GOLGA8J: variants seen among roughly 807,000 people sequenced by gnomAD.
GOLGA8J encodes golgin A8 family member J, also known as golgin subfamily A member 8J.
A neutral mutation model predicts 67.7 loss-of-function variants in GOLGA8J; 19 were observed. The observed-to-expected ratio is 0.28, with a 90% CI of 0.20 to 0.41. GOLGA8J has a LOEUF of 0.41. Ranked by LOEUF, GOLGA8J falls within the 10% of genes least tolerant of loss-of-function variation. The probability of loss-of-function intolerance (pLI) is 1.00; values close to 1 mark genes in which losing one functional copy is unlikely to be tolerated. For missense variants in GOLGA8J, 205 were observed against 584.3 expected, an observed-to-expected ratio of 0.35 and a Z score of 6.69; for synonymous variants, 69 against 215.9, an observed-to-expected ratio of 0.32 and a Z score of 5.97.
Position 30,092,323 on chromosome 15 carries a change from G to A in GOLGA8J, c.1368+190G>A, listed in dbSNP as rs367639595. ...CTGAGGCCCCAAGGGAAGGGGTTGCGCTCCACCTCTCTGCCCCATTTCTTC... is the reference window on the plus strand; with the variant it reads ...CTGAGGCCCCAAGGGAAGGGGTTGCACTCCACCTCTCTGCCCCATTTCTTC... On this transcript the variant is annotated intron_variant, in intron 15 of 18. Coordinates refer to ENST00000567927, the MANE Select transcript of GOLGA8J (RefSeq NM_001282472.2). 1.5e-4 allele frequency among the ~76,000 whole-genome samples: 21 copies of A among 140,314 alleles called. 3 individuals carry two copies. Among genetic ancestry groups the A allele is most frequent in the South Asian group, 4.5e-4 (2 of 4,452 alleles). 92.1% of individuals were successfully genotyped at this position (140,314 alleles called of 152,430 possible). A position where few individuals can be genotyped will look rare whatever the true frequency, so the allele number is the denominator to read the frequency against.
Position 30,089,953 on chromosome 15 carries a change from G to A in GOLGA8J, c.1128G>A (p.Glu376=), listed in dbSNP as rs535372956. The change falls in exon 12 of 19, where the codon GAG becomes GAA. Residue 376 remains glutamate (E), a synonymous_variant. Transcript: ENST00000567927. Reference sequence around the variant, plus strand: ...CCAAGCCACAGAGCGTCTTCAAGGAGCCGGTGCGTTGCCCAAACTGGGGAG... The same window carrying A: ...CCAAGCCACAGAGCGTCTTCAAGGAACCGGTGCGTTGCCCAAACTGGGGAG... ...QLAKPQSVFK[E]PNNENKNALQ... is the part of the protein sequence containing the mutation. 1.8e-4 allele frequency: 279 copies of A among 1,532,636 alleles called. 42 individuals carry two copies. The South Asian group carries it at 3.0e-3, about 17-fold the overall frequency. The allele number at this position is 1,532,636 out of a possible 1,614,324, so 94.9% of individuals were successfully genotyped here.
intron 12 of GOLGA8J, 45 bp from the exon 13 acceptor site, chr15:30,090,167 T>G (rs2057383614): frequency 1.0e-6 from 1 of 968,188 alleles, no homozygotes; most frequent in African/African-American, 2.1e-5. Flanking sequence ...AGTTCTGGGG[T>G]CTCCAGCTGC....
chr15:30,084,989 A>T lies in GOLGA8J; in HGVS notation c.168+99A>T, dbSNP rs1284676070. On this transcript the variant is annotated intron_variant, in intron 2 of 18. Coordinates refer to ENST00000567927, the MANE Select transcript of GOLGA8J (RefSeq NM_001282472.2). ...GATGGACTGCTGGGTACTGGTTAAG[A>T]ATTCTGGCTTTAGCCGGGTGTGGTG... The T allele has an allele frequency of 1.1e-5, 15 of 1,373,982 alleles. 2 individuals are homozygous for T. The Admixed American group carries it at 2.3e-4, about 21-fold the overall frequency. 85.1% of individuals were successfully genotyped at this position (1,373,982 alleles called of 1,614,324 possible). A position where few individuals can be genotyped will look rare whatever the true frequency, so the allele number is the denominator to read the frequency against.
rs2057403915 is a variant in GOLGA8J at position 30,091,532 on chromosome 15, TA to T, written c.1201-2del. The T allele has an allele frequency of 6.3e-7, 1 of 1,575,936 alleles. No individual in the cohort carries two copies. Among genetic ancestry groups the T allele is most frequent in the South Asian group, 1.1e-5 (1 of 86,972 alleles). ...CCCTTCTCACTCTGTCCTGGCCCCT[TA>T]GGAGCACCTGGAAGCTGCCAGCCAG... On this transcript the variant is annotated splice_acceptor_variant, in intron 13 of 18. Transcript: ENST00000567927. LOFTEE classifies it high-confidence loss of function.
chr15:30,088,156 G>A (rs2057356694), intron 8 of GOLGA8J: 1 of 377,342 alleles, frequency 2.7e-6, no homozygotes, highest in Admixed American at 3.5e-5. Context: ...AGATGGCCGG[G>A]AGATACTTCC....
At position 30,095,021 on chromosome 15, in the gene GOLGA8J, A is replaced by T. The variant is rs1413979194; in HGVS notation, c.*1522A>T. ...TTGTACCTCTGGGTTTCTGTTCGGG[A>T]CATATTTTGTGCAATATTTATGTGA... On this transcript the variant is annotated 3_prime_UTR_variant, in exon 19 of 19. Coordinates refer to ENST00000567927, the MANE Select transcript of GOLGA8J (RefSeq NM_001282472.2). Among the ~76,000 whole-genome samples, 1 of 146,188 alleles carries T rather than the reference A, an allele frequency of 6.8e-6. No homozygotes were observed.
chr15:30,088,079 G>GTGTGTGTGTGTGTGTA (rs1431708118), intron 8 of GOLGA8J: 1 of 442,722 alleles, frequency 2.3e-6, no homozygotes, highest in African/African-American at 2.6e-5. Context: ...GTGTGTGTGT[G>GTGTGTGTGTGTGTGTA]CATACTGTGA....
chr15:30,088,488 A>G (rs921165889), intron 8 of GOLGA8J, among the ~76,000 whole-genome samples: 23 of 145,688 alleles, frequency 1.6e-4, no homozygotes. Flanking sequence ...AACAGTGGTA[A>G]TAATAACAGT....
chr15:30,092,554 G>A (rs986010336), intron 15 of GOLGA8J, 154 bp from the exon 16 acceptor site: 1 of 663,152 alleles, frequency 1.5e-6, no homozygotes, highest in African/African-American at 2.1e-5. Context: ...AGGGCCTGGG[G>A]GCGAGTCTGT....
At position 30,095,480 on chromosome 15, in the gene GOLGA8J, T is replaced by C. The variant is rs1256488007; in HGVS notation, c.*1981T>C. 1.4e-5 allele frequency among the ~76,000 whole-genome samples: 2 copies of C among 146,532 alleles called. No homozygotes were observed. Among genetic ancestry groups the C allele is most frequent in the African/African-American group, 2.6e-5 (1 of 38,678 alleles). On this transcript the variant is annotated 3_prime_UTR_variant, in exon 19 of 19. Transcript: ENST00000567927. ...AAAAATTTAGACCAAATAATGCAGC[T>C]AATTAACAGTGGTACGATTTGTAGC...
rs1443181028 is a variant in GOLGA8J, at chr15:30,096,149, T to C, written c.*2650T>C. ...AGAGTTCATCAGAAACATAGAATTT[T>C]AAACTGTGAGTTCCACTGAATACAT... is the stretch of plus-strand genomic sequence containing the variant. On this transcript the variant is annotated 3_prime_UTR_variant, in exon 19 of 19. Coordinates refer to ENST00000567927, the MANE Select transcript of GOLGA8J (RefSeq NM_001282472.2). Among the ~76,000 whole-genome samples, 1 of 145,904 alleles carries C rather than the reference T, an allele frequency of 6.9e-6. No individual in the cohort carries two copies. The highest frequency in any genetic ancestry group is 2.6e-5 in the African/African-American group (1 of 37,770).
chr15:30,094,347 T>G lies in GOLGA8J; in HGVS notation c.*848T>G, dbSNP rs1228598497. The stretch of plus-strand genomic sequence containing the variant: ...ATTTCTGAGGAATGAAAGGTTCCCA[T>G]CATTGACTGTGGATGTGGGAAACCT... On this transcript the variant is annotated 3_prime_UTR_variant, in exon 19 of 19. Transcript: ENST00000567927. 6.8e-6 allele frequency among the ~76,000 whole-genome samples: 1 copy of G among 148,102 alleles called. No homozygotes were observed. The highest frequency in any genetic ancestry group is 2.6e-5 in the African/African-American group (1 of 38,654).
rs565957865 is a variant in GOLGA8J, at chr15:30,088,623, T to C, written c.592-117T>C. 89 of 855,590 alleles carry C rather than the reference T, an allele frequency of 1.0e-4. 2 individuals are homozygous for C. The highest frequency in any genetic ancestry group is 1.0e-3 in the South Asian group (69 of 68,374). The allele number at this position is 855,590 out of a possible 1,614,324, so 53.0% of individuals were successfully genotyped here. Reference sequence around the variant, plus strand: ...AAAAACCAGACCACGGGCTTGGAAATGCCTTGATCTTTACTGACCGAGTTG... The same window carrying C: ...AAAAACCAGACCACGGGCTTGGAAACGCCTTGATCTTTACTGACCGAGTTG... On this transcript the variant is annotated intron_variant, in intron 8 of 18. Transcript: ENST00000567927.
chr15:30,090,711 G>A (rs2057392155), intron 13 of GOLGA8J, among the ~76,000 whole-genome samples: 1 of 127,512 alleles, frequency 7.8e-6, no homozygotes, highest in Admixed American at 7.3e-5. Flanking sequence ...AAAAAAATTA[G>A]CAGGACATTG....
intron 11 of GOLGA8J, 86 bp from the exon 12 acceptor site, chr15:30,089,614 A>T: frequency 1.6e-6 from 1 of 626,318 alleles, no homozygotes. Context: ...GCCAAGTTTG[A>T]GGAGCCTGAG....
At position 30,092,010 on chromosome 15, in the gene GOLGA8J, T is replaced by G. The variant is rs749342952; in HGVS notation, c.1277-32T>G. The stretch of plus-strand genomic sequence containing the variant: ...GCCCACAGTACCTCCCTTGTTGGGT[T>G]GTCTGAAGACCCGTCTGACCACCCC... On this transcript the variant is annotated intron_variant, in intron 14 of 18. Transcript: ENST00000567927. 9 of 1,595,512 alleles carry G rather than the reference T, an allele frequency of 5.6e-6. No homozygotes were observed. In the African/African-American group the frequency reaches 6.9e-5, roughly 12 times the overall value.
At position 30,089,915 on chromosome 15, in the gene GOLGA8J, C is replaced by T; in HGVS notation, c.1090C>T (p.Leu364Phe). The T allele has an allele frequency of 1.3e-6, 2 of 1,511,142 alleles. No individual in the cohort carries two copies. The highest frequency in any genetic ancestry group is 1.2e-5 in the South Asian group (1 of 82,638). 93.6% of individuals were successfully genotyped at this position (1,511,142 alleles called of 1,614,324 possible). ...EERIQEQHKS[L>F]QQLAKPQSVF... ...GAGGATTCAGGAGCAGCACAAGAGC[C>T]TTCAGCAGCTGGCCAAGCCACAGAG... is the stretch of plus-strand genomic sequence containing the variant. Residue 364 changes from leucine (L) to phenylalanine (F), a missense_variant, in exon 12 of 19, where the codon CTT becomes TTT. Leu to Phe is a conservative substitution (Grantham distance 22). Transcript: ENST00000567927.
Position 30,088,807 on chromosome 15 carries a change from T to C in GOLGA8J, c.659T>C (p.Leu220Pro). The C allele has an allele frequency of 6.6e-7, 1 of 1,520,736 alleles. No individual in the cohort carries two copies. The highest frequency in any genetic ancestry group is 9.0e-7 in the Non-Finnish European group (1 of 1,108,718). 94.2% of individuals were successfully genotyped at this position (1,520,736 alleles called of 1,614,324 possible). ...CAGTCCATGCGGGAGGAGGCACTAC[T>C]GAAAGTGCAGCTGACACAGGTGAGG... The part of the protein sequence containing the change: ...LEQSMREEAL[L>P]KVQLTQFKES... Residue 220 changes from leucine to proline, a missense_variant, in exon 9 of 19, where the codon CTG becomes CCG. Physicochemically the swap from Leu to Pro is moderately conservative, Grantham distance 98. Coordinates refer to ENST00000567927, the MANE Select transcript of GOLGA8J (RefSeq NM_001282472.2).
Position 30,095,371 on chromosome 15 carries a change from C to A in GOLGA8J, c.*1872C>A, listed in dbSNP as rs1202548657. Among the ~76,000 whole-genome samples the A allele has an allele frequency of 1.4e-5, 2 of 141,502 alleles. 1 individual carries two copies. The highest frequency in any genetic ancestry group is 5.5e-5 in the African/African-American group (2 of 36,492). The allele number at this position is 141,502 out of a possible 152,430, so 92.8% of individuals were successfully genotyped here. ...CATTCACTGAAAGAGTGCAAATATT[C>A]GGTCCTTGTGACTTCCACTGACTCT... On this transcript the variant is annotated 3_prime_UTR_variant, in exon 19 of 19. Coordinates refer to ENST00000567927, the MANE Select transcript of GOLGA8J (RefSeq NM_001282472.2).
Sources: allele counts gnomAD v4.1 joint callset (sites outside exome capture counted in the v4.1 genomes callset), GRCh38; gene constraint gnomAD v4.1.1; transcripts MANE v1.5; gene names NCBI Gene and HGNC (gene_info 2026-07-23, HGNC 2026-07-21).